Variants in STX8 observed in about 807,000 individuals in gnomAD.
STX8 encodes syntaxin-8.
In STX8, 23 loss-of-function variants were observed where a neutral mutation model predicts 37.5. That is an observed-to-expected ratio of 0.61 (90% CI 0.44 to 0.87). The LOEUF is 0.87. STX8 is among the 40% of genes least tolerant of loss of function. The probability of loss-of-function intolerance (pLI) is 0.00; values close to 1 mark genes in which losing one functional copy is unlikely to be tolerated. For missense variants in STX8, 313 were observed against 284.7 expected, an observed-to-expected ratio of 1.10 and a Z score of -0.71; for synonymous variants, 115 against 99.1, an observed-to-expected ratio of 1.16 and a Z score of -0.95.
chr17:9,360,379 C>A (rs1406893139), intron 7 of STX8, among the ~76,000 whole-genome samples: 1 of 151,464 alleles, frequency 6.6e-6, no homozygotes, highest in African/African-American at 2.4e-5. Flanking sequence ...GGATTACAGT[C>A]GTGCACCACC....
chr17:9,326,795 T>C (rs1909767673), intron 7 of STX8, among the ~76,000 whole-genome samples: 1 of 152,106 alleles, frequency 6.6e-6, no homozygotes, highest in African/African-American at 2.4e-5. Context: ...ATAACAAGGA[T>C]GGGTTAAGAA....
intron 7 of STX8, among the ~76,000 whole-genome samples, chr17:9,310,601 C>G (rs1909157660): frequency 6.6e-6 from 1 of 151,958 alleles, no homozygotes; most frequent in African/African-American, 2.4e-5. Flanking sequence ...AGAGTGTGCA[C>G]CTGTTTTGGG....
At chr17:9,276,142 G>A (rs1030924809) in intron 7 of STX8, among the ~76,000 whole-genome samples, 2 of 152,082 alleles carry the variant, frequency 1.3e-5, no homozygotes, top group Admixed American at 1.3e-4. Context: ...TGGGCATGCA[G>A]GGCAAGTTCA....
intron 7 of STX8, among the ~76,000 whole-genome samples, chr17:9,352,504 G>A (rs1597620188): frequency 8.9e-6 from 1 of 112,662 alleles, no homozygotes; most frequent in South Asian, 2.8e-4. Context: ...GTCTTGCTCT[G>A]TGGCCCAGGC....
At chr17:9,566,797 A>C (rs1221905278) in intron 2 of STX8, among the ~76,000 whole-genome samples, 4 of 152,166 alleles carry the variant, frequency 2.6e-5, no homozygotes, top group Non-Finnish European at 4.4e-5. Flanking sequence ...CGAAAAAAAA[A>C]GAGAAAAAAA....
intron 6 of STX8, among the ~76,000 whole-genome samples, chr17:9,379,265 G>C (rs935383686): frequency 2.1e-5 from 3 of 140,936 alleles, no homozygotes; most frequent in African/African-American, 7.8e-5. Context: ...AAAAAAAAAG[G>C]AACAGACGGC....
intron 7 of STX8, among the ~76,000 whole-genome samples, chr17:9,355,126 T>G (rs1168336813): frequency 6.6e-6 from 1 of 152,160 alleles, no homozygotes; most frequent in African/African-American, 2.4e-5. Context: ...TTTTTTTATT[T>G]CATTTCTTAA....
chr17:9,551,954 G>GA (rs1008337889), intron 3 of STX8, among the ~76,000 whole-genome samples: 46 of 140,368 alleles, frequency 3.3e-4, no homozygotes, highest in African/African-American at 4.7e-4. Flanking sequence ...GGATGTTCAA[G>GA]AAAAAAAAAA....
chr17:9,395,075 C>CA (rs35006071), intron 6 of STX8, among the ~76,000 whole-genome samples: 44,819 of 137,214 alleles, frequency 0.33, 7,971 homozygotes, highest in African/African-American at 0.53. Flanking sequence ...GACCCCGTCT[C>CA]AAAAAAAAAA....
intron 6 of STX8, among the ~76,000 whole-genome samples, chr17:9,453,267 G>A (rs8080385): frequency 1 from 151,864 of 152,274 alleles, 75,730 homozygotes; most frequent in Middle Eastern, 1. Context: ...GAAAATCAAG[G>A]AAGATCATTA....
chr17:9,387,092 T>C (rs1273960959), intron 6 of STX8, among the ~76,000 whole-genome samples: 1 of 152,074 alleles, frequency 6.6e-6, no homozygotes, highest in East Asian at 1.9e-4. Flanking sequence ...TCCTTGGTCT[T>C]CTCCTCTAGG....
At chr17:9,408,301 G>A (rs570065519) in intron 6 of STX8, among the ~76,000 whole-genome samples, 40 of 152,116 alleles carry the variant, frequency 2.6e-4, no homozygotes, top group Non-Finnish European at 5.9e-4. Flanking sequence ...GTAAGCGTTG[G>A]TCACTATAAG....
Position 9,493,917 on chromosome 17 carries a change from T to G in STX8, c.449-1996A>C, listed in dbSNP as rs561453757. Among the ~76,000 whole-genome samples, 3 of 152,316 alleles carry G rather than the reference T, an allele frequency of 2.0e-5. No homozygotes were observed. In the East Asian group the frequency reaches 5.8e-4, roughly 29 times the overall value. ...TTTATAAATTTATAGTATATCCACATAGTAAAACACTGTATAGCCACTGAA... is the reference window on the plus strand; with the variant it reads ...TTTATAAATTTATAGTATATCCACAGAGTAAAACACTGTATAGCCACTGAA... On this transcript the variant is annotated intron_variant, in intron 5 of 7. Transcript: ENST00000306357.
At chr17:9,503,321 C>G (rs567715386) in intron 5 of STX8, among the ~76,000 whole-genome samples, 2 of 151,954 alleles carry the variant, frequency 1.3e-5, no homozygotes, top group Non-Finnish European at 2.9e-5. Context: ...CAGGGAGGAA[C>G]AATAGGAAGA....
chr17:9,382,593 A>T (rs564022097), intron 6 of STX8, among the ~76,000 whole-genome samples: 9 of 152,308 alleles, frequency 5.9e-5, no homozygotes, highest in South Asian at 2.1e-4. Context: ...CAAGATTTTT[A>T]AAAAAAGATG....
intron 7 of STX8, among the ~76,000 whole-genome samples, chr17:9,277,351 A>G (rs1174603871): frequency 6.6e-5 from 10 of 152,008 alleles, no homozygotes; most frequent in Admixed American, 6.6e-4. Context: ...TGGAAATGAT[A>G]GTGGGTGAAG....
chr17:9,523,260 C>T (rs1348313310), intron 4 of STX8, among the ~76,000 whole-genome samples: 1 of 148,188 alleles, frequency 6.7e-6, no homozygotes, highest in African/African-American at 2.5e-5. Flanking sequence ...TGCAGTGAGC[C>T]GAGATTGCAC....
chr17:9,430,997 T>A (rs1412685054), intron 6 of STX8, among the ~76,000 whole-genome samples: 1 of 150,744 alleles, frequency 6.6e-6, no homozygotes, highest in East Asian at 2.0e-4. Flanking sequence ...TCTCATTGGG[T>A]AGCAGGGGTT....
At chr17:9,268,585 ACAG>A (rs568585151) in intron 7 of STX8, among the ~76,000 whole-genome samples, 194 of 152,314 alleles carry the variant, frequency 1.3e-3, no homozygotes, top group African/African-American at 4.2e-3. Flanking sequence ...CCTCCTGTGA[ACAG>A]CAGATTATCT....
Sources: gnomAD v4.1 joint callset for allele counts (sites outside exome capture counted in the v4.1 genomes callset) on GRCh38, gnomAD v4.1.1 for gene constraint, MANE v1.5 for transcripts, NCBI Gene and HGNC (gene_info 2026-07-23, HGNC 2026-07-21) for gene names.